RBFOX1: variants seen among roughly 807,000 people sequenced by gnomAD.
The protein encoded by RBFOX1 is RNA binding protein fox-1 homolog 1.
Under a neutral mutation model 57.7 loss-of-function variants are expected in RBFOX1, and 8 were observed. That is an observed-to-expected ratio of 0.14 (90% confidence interval 0.08 to 0.25). The LOEUF (loss-of-function observed/expected upper bound fraction) is 0.25, where lower values mean the gene tolerates loss of function less well. RBFOX1 is among the 10% of genes least tolerant of loss of function. RBFOX1 has a pLI of 1.00. For synonymous variants in RBFOX1, 326 were observed against 222.4 expected (o/e 1.47, Z -4.15); for missense variants, 611 against 548.5 (o/e 1.11, Z -1.14).
At chr16:6,979,050 T>G (rs1467142696) in intron 3 of RBFOX1, among the ~76,000 whole-genome samples, 3 of 152,204 alleles carry the variant, frequency 2.0e-5, no homozygotes, top group Admixed American at 6.5e-5. Flanking sequence ...AAAGTTATTA[T>G]GAAAGCTAGA....
At chr16:7,536,319 C>T (rs148698396) in intron 5 of RBFOX1, among the ~76,000 whole-genome samples, 13 of 152,290 alleles carry the variant, frequency 8.5e-5, no homozygotes, top group South Asian at 4.2e-4. Flanking sequence ...AGAGGCTGGG[C>T]GCGGTGGCTC....
chr16:6,392,510 T>C (rs1254779413), intron 2 of RBFOX1, among the ~76,000 whole-genome samples: 3 of 152,176 alleles, frequency 2.0e-5, no homozygotes, highest in African/African-American at 7.2e-5. Context: ...GTAAGGGAAA[T>C]AAAATGTAAA....
chr16:6,210,337 C>CAAAA (rs1443054145), intron 1 of RBFOX1, among the ~76,000 whole-genome samples: 5 of 9,318 alleles, frequency 5.4e-4, no homozygotes, highest in East Asian at 2.9e-3. Context: ...AACAAAAAAA[C>CAAAA]AAAAAAACAA....
intron 5 of RBFOX1, among the ~76,000 whole-genome samples, chr16:7,577,657 G>GGAGGCA (rs1306023770): frequency 6.6e-6 from 1 of 151,936 alleles, no homozygotes; most frequent in African/African-American, 2.4e-5. Flanking sequence ...CAGTGCTTTG[G>GGAGGCA]GAGGCAGAGG....
At chr16:7,698,874 T>C (rs1382208488) in intron 14 of RBFOX1, among the ~76,000 whole-genome samples, 4 of 152,158 alleles carry the variant, frequency 2.6e-5, no homozygotes, top group African/African-American at 9.7e-5. Flanking sequence ...CAATACCCTA[T>C]AAAGTGTGTG....
chr16:5,308,139 A>C (rs1287147916), intron 1 of RBFOX1, among the ~76,000 whole-genome samples: 1 of 152,162 alleles, frequency 6.6e-6, no homozygotes, highest in Non-Finnish European at 1.5e-5. Context: ...CAGGAGTTCG[A>C]GACCAGCCTA....
At chr16:5,560,837 T>C (rs1350474324) in intron 2 of RBFOX1, among the ~76,000 whole-genome samples, 1 of 152,138 alleles carries the variant, frequency 6.6e-6, no homozygotes, top group East Asian at 1.9e-4. Context: ...TTTCACACTG[T>C]CCACCCATCC....
rs1280051838 is a variant in RBFOX1, at chr16:6,637,097, ATATATATAT to A, written c.-63-17499_-63-17491del. The stretch of plus-strand genomic sequence containing the variant: ...GTTTAATATATATAATACATATTAA[ATATATATAT>A]TATATAATATATAAATTTATATTAT... On this transcript the variant is annotated intron_variant, in intron 2 of 15. Coordinates refer to ENST00000550418, the MANE Select transcript of RBFOX1 (RefSeq NM_018723.4). Among the ~76,000 whole-genome samples, 4 of 36,434 alleles carry A rather than the reference ATATATATAT, an allele frequency of 1.1e-4. 1 individual carries two copies. The highest frequency in any genetic ancestry group is 2.1e-3 in the South Asian group (1 of 476). 23.9% of individuals were successfully genotyped at this position (36,434 alleles called of 152,430 possible).
At chr16:6,805,263 T>C (rs930699345) in intron 3 of RBFOX1, among the ~76,000 whole-genome samples, 4 of 152,142 alleles carry the variant, frequency 2.6e-5, no homozygotes, top group African/African-American at 9.7e-5. Flanking sequence ...CTTGAGGCCA[T>C]TTTCCTTAGC....
At chr16:5,394,199 T>A (rs1367938323) in intron 1 of RBFOX1, among the ~76,000 whole-genome samples, 1 of 152,088 alleles carries the variant, frequency 6.6e-6, no homozygotes, top group Non-Finnish European at 1.5e-5. Context: ...AATTTTTGTA[T>A]TTTTAGTAGA....
intron 3 of RBFOX1, among the ~76,000 whole-genome samples, chr16:7,006,782 G>A (rs536786812): frequency 6.6e-6 from 1 of 152,258 alleles, no homozygotes; most frequent in South Asian, 2.1e-4. Flanking sequence ...ACCCTATGCA[G>A]AAGAGAACAC....
chr16:7,668,286 G>T (rs191383215), intron 13 of RBFOX1, among the ~76,000 whole-genome samples: 1 of 152,126 alleles, frequency 6.6e-6, no homozygotes, highest in Non-Finnish European at 1.5e-5. Context: ...CGTGATCCCT[G>T]TAACTGGCAA....
At chr16:7,146,598 T>A (rs866717685) in intron 4 of RBFOX1, among the ~76,000 whole-genome samples, 9 of 152,248 alleles carry the variant, frequency 5.9e-5, no homozygotes, top group Middle Eastern at 3.4e-3. Context: ...AATAAGCTTA[T>A]GATACCCAGC....
intron 4 of RBFOX1, among the ~76,000 whole-genome samples, chr16:7,414,522 G>C (rs1418670290): frequency 6.6e-6 from 1 of 152,196 alleles, no homozygotes; most frequent in African/African-American, 2.4e-5. Context: ...TCTTTTGATA[G>C]AAAAGTGTGA....
chr16:7,439,178 G>T (rs578215843), intron 4 of RBFOX1, among the ~76,000 whole-genome samples: 2 of 152,216 alleles, frequency 1.3e-5, no homozygotes, highest in Non-Finnish European at 1.5e-5. Flanking sequence ...GCGCTGTGTC[G>T]TCTTCACCAT....
At chr16:5,868,928 C>G (rs2057402697) in intron 4 of RBFOX1, among the ~76,000 whole-genome samples, 1 of 152,098 alleles carries the variant, frequency 6.6e-6, no homozygotes, top group Non-Finnish European at 1.5e-5. Context: ...TCTGATGCAC[C>G]ATTTATTTAT....
chr16:7,236,893 G>T (rs906424395), intron 4 of RBFOX1, among the ~76,000 whole-genome samples: 30 of 152,132 alleles, frequency 2.0e-4, no homozygotes, highest in African/African-American at 6.8e-4. Flanking sequence ...AATGGCTGTT[G>T]TTGGGAGGAT....
At chr16:6,582,567 C>T (rs1338034361) in intron 2 of RBFOX1, among the ~76,000 whole-genome samples, 2 of 151,406 alleles carry the variant, frequency 1.3e-5, no homozygotes, top group Non-Finnish European at 2.9e-5. Context: ...TTCTGGGCCT[C>T]CTCAATGAAA....
intron 4 of RBFOX1, among the ~76,000 whole-genome samples, chr16:7,057,879 G>C (rs1330335264): frequency 1.3e-5 from 2 of 151,876 alleles, no homozygotes; most frequent in Non-Finnish European, 1.5e-5. Flanking sequence ...ATGGTGGCGG[G>C]CGCCTGTAGT....
Sources: gnomAD v4.1 joint callset for allele counts (sites outside exome capture counted in the v4.1 genomes callset) on GRCh38, gnomAD v4.1.1 for gene constraint, MANE v1.5 for transcripts, NCBI Gene and HGNC (gene_info 2026-07-23, HGNC 2026-07-21) for gene names.